Variants in CHODL observed in about 807,000 individuals in gnomAD.
The protein encoded by CHODL is transmembrane protein MT75.
Under a neutral mutation model 34.5 loss-of-function variants are expected in CHODL, and 29 were observed. The ratio of observed to expected loss-of-function variants is 0.84; its 90% CI spans 0.63 to 1.15. CHODL has a LOEUF of 1.15. Ranked by LOEUF, CHODL falls within the 50% of genes most tolerant of loss-of-function variation. CHODL has a pLI of 0.00. For missense variants in CHODL, 332 were observed against 332.5 expected, an observed-to-expected ratio of 1.00 and a Z score of 0.01; for synonymous variants, 125 against 116.1, an observed-to-expected ratio of 1.08 and a Z score of -0.49.
intron 2 of CHODL, among the ~76,000 whole-genome samples, chr21:18,149,393 G>A (rs187274470): frequency 2.6e-5 from 4 of 152,254 alleles, no homozygotes; most frequent in African/African-American, 7.2e-5. Context: ...GGTAGTCAGG[G>A]CAATGGATGT....
intron 2 of CHODL, among the ~76,000 whole-genome samples, chr21:18,230,882 G>T (rs1486574872): frequency 6.6e-6 from 1 of 151,970 alleles, no homozygotes; most frequent in Non-Finnish European, 1.5e-5. Flanking sequence ...GATTATAAAA[G>T]AAGTAAATAT....
chr21:18,156,751 T>C (rs1426835272), intron 2 of CHODL, among the ~76,000 whole-genome samples: 1 of 152,218 alleles, frequency 6.6e-6, no homozygotes, highest in African/African-American at 2.4e-5. Flanking sequence ...GCTTTAATTG[T>C]GCTCATTGCT....
At chr21:18,189,124 TTCTC>T (rs1222651845) in intron 2 of CHODL, among the ~76,000 whole-genome samples, 1 of 152,214 alleles carries the variant, frequency 6.6e-6, no homozygotes, top group African/African-American at 2.4e-5. Context: ...TTTATCAGAA[TTCTC>T]TCTCTCTTTT....
chr21:18,117,104 T>C lies in CHODL; in HGVS notation c.-45+89133T>C, dbSNP rs150194627. Among the ~76,000 whole-genome samples, 455 of 152,274 alleles carry C rather than the reference T, an allele frequency of 3.0e-3. 2 individuals carry two copies. Among genetic ancestry groups the C allele is most frequent in the African/African-American group, 0.01 (424 of 41,552 alleles). On this transcript the variant is annotated intron_variant, in intron 2 of 6. Transcript: ENST00000400127. ...TTCCACTATCAATAGCAAAGCAGGA[T>C]GTTAAACGGCAGAGTACAGTAGCTG...
intron 2 of CHODL, among the ~76,000 whole-genome samples, chr21:18,213,415 A>T (rs977299249): frequency 2.6e-5 from 4 of 152,060 alleles, no homozygotes; most frequent in African/African-American, 9.7e-5. Context: ...TAAACAACCG[A>T]ATGCTATTAT....
At chr21:18,064,040 A>G (rs1277384537) in intron 2 of CHODL, among the ~76,000 whole-genome samples, 1 of 152,210 alleles carries the variant, frequency 6.6e-6, no homozygotes, top group Non-Finnish European at 1.5e-5. Context: ...TATTGTAGAT[A>G]AATCTTCACT....
chr21:17,979,196 T>C (rs1434413858), intron 1 of CHODL, among the ~76,000 whole-genome samples: 1 of 152,174 alleles, frequency 6.6e-6, no homozygotes, highest in Non-Finnish European at 1.5e-5. Context: ...GCCATGGACA[T>C]CTTTGGGGGA....
At position 18,225,529 on chromosome 21, in the gene CHODL, T is replaced by C. The variant is rs2073923389; in HGVS notation, c.-44-30980T>C. 2.0e-5 allele frequency among the ~76,000 whole-genome samples: 3 copies of C among 152,218 alleles called. No individual in the cohort carries two copies. In the South Asian group the frequency reaches 6.2e-4, roughly 32 times the overall value. ...ATATTGTTAACATAAATAAAGTAAA[T>C]ATGTAGCAATTTAAAAGAAAAATCT... is the stretch of plus-strand genomic sequence containing the variant. On this transcript the variant is annotated intron_variant, in intron 2 of 6. Coordinates refer to the CHODL transcript ENST00000400127.
intron 2 of CHODL, among the ~76,000 whole-genome samples, chr21:18,186,833 A>T (rs1414332356): frequency 6.6e-6 from 1 of 152,106 alleles, no homozygotes; most frequent in Non-Finnish European, 1.5e-5. Flanking sequence ...TCATTTTTCA[A>T]ATTGTGTTTG....
At chr21:17,987,292 A>G (rs1238649343) in intron 1 of CHODL, among the ~76,000 whole-genome samples, 1 of 152,190 alleles carries the variant, frequency 6.6e-6, no homozygotes, top group Non-Finnish European at 1.5e-5. Context: ...AATCATTTTT[A>G]GTGACATATA....
At chr21:17,946,061 T>C (rs1307284317) in intron 1 of CHODL, among the ~76,000 whole-genome samples, 2 of 148,622 alleles carry the variant, frequency 1.3e-5, no homozygotes. Flanking sequence ...AAGTTCATCT[T>C]AAAAAAAAAA....
At chr21:17,948,514 T>C (rs1257745033) in intron 1 of CHODL, among the ~76,000 whole-genome samples, 2 of 151,656 alleles carry the variant, frequency 1.3e-5, no homozygotes, top group Non-Finnish European at 1.5e-5. Context: ...AAAAGATAAA[T>C]TGACATTTAG....
intron 2 of CHODL, among the ~76,000 whole-genome samples, chr21:18,102,077 G>A (rs766512151): frequency 1.3e-5 from 2 of 152,130 alleles, no homozygotes; most frequent in Non-Finnish European, 2.9e-5. Context: ...TTGAGTGTAA[G>A]CTCAGAATCA....
At chr21:17,956,152 G>T (rs559099979) in intron 1 of CHODL, among the ~76,000 whole-genome samples, 26 of 136,374 alleles carry the variant, frequency 1.9e-4, no homozygotes, top group African/African-American at 6.5e-4. Flanking sequence ...GGGCCCAGTG[G>T]GAGGTGTTGG....
At chr21:18,052,056 G>C (rs1266455529) in intron 2 of CHODL, among the ~76,000 whole-genome samples, 1 of 151,898 alleles carries the variant, frequency 6.6e-6, no homozygotes, top group Non-Finnish European at 1.5e-5. Context: ...CTCTTTAGAA[G>C]TTTGTTTTGC....
chr21:18,063,724 T>C (rs992894215), intron 2 of CHODL, among the ~76,000 whole-genome samples: 7 of 152,240 alleles, frequency 4.6e-5, no homozygotes, highest in African/African-American at 1.7e-4. Context: ...TATGATTGAA[T>C]AATTATGTAA....
chr21:18,125,464 A>G (rs1234755630), intron 2 of CHODL, among the ~76,000 whole-genome samples: 1 of 152,204 alleles, frequency 6.6e-6, no homozygotes, highest in Admixed American at 6.5e-5. Flanking sequence ...CTAGAAGAAA[A>G]TATAAGTAAG....
At chr21:18,241,178 T>C (rs1005496404), upstream of CHODL, among the ~76,000 whole-genome samples, 1 of 151,644 alleles carries the variant, frequency 6.6e-6, no homozygotes, top group Non-Finnish European at 1.5e-5. Flanking sequence ...GTGTCATCTC[T>C]AAAATATTGG....
At chr21:17,963,668 T>C (rs1378796493) in intron 1 of CHODL, among the ~76,000 whole-genome samples, 3 of 152,188 alleles carry the variant, frequency 2.0e-5, no homozygotes, top group African/African-American at 4.8e-5. Context: ...CAAGATGAGA[T>C]TTGGATGGGG....
Sources: allele counts gnomAD v4.1 joint callset (sites outside exome capture counted in the v4.1 genomes callset), GRCh38; gene constraint gnomAD v4.1.1; transcripts MANE v1.5; gene names NCBI Gene and HGNC (gene_info 2026-07-23, HGNC 2026-07-21).